Variants in DNAI2 observed in about 807,000 individuals in gnomAD.
The protein encoded by DNAI2 is dynein axonemal intermediate chain 2, also known as dynein, axonemal, intermediate polypeptide 2.
Under a neutral mutation model 74.7 loss-of-function variants are expected in DNAI2, and 63 were observed. The observed-to-expected ratio is 0.84, with a 90% CI of 0.69 to 1.04. The LOEUF is 1.04. Among genes scored for constraint, DNAI2 ranks in the 50% least tolerant of loss-of-function variants. The pLI is 0.00. For missense variants in DNAI2, 688 were observed against 803.2 expected (o/e 0.86, Z 1.73); for synonymous variants, 289 against 314.9 (o/e 0.92, Z 0.87).
chr17:74,283,048 A>AGGTTTTGTTTTGT (rs1193310681), intron 2 of DNAI2, among the ~76,000 whole-genome samples: 1 of 151,888 alleles, frequency 6.6e-6, no homozygotes, highest in African/African-American at 2.4e-5. Flanking sequence ...CCTTTTCCAG[A>AGGTTTTGTTTTGT]CTTGTTTTGT....
rs555349032 is a variant in DNAI2 at position 74,301,257 on chromosome 17, G to A, written c.987+89G>A. The A allele has an allele frequency of 2.1e-5, 33 of 1,589,824 alleles. No homozygotes were observed. The East Asian group carries it at 3.4e-4, about 16-fold the overall frequency. Reference sequence around the variant, plus strand: ...GCCATTGCTAGGATATCAGGTGCTCGTGGAACCCAGCACCAGCCCAGGGAG... The same window carrying A: ...GCCATTGCTAGGATATCAGGTGCTCATGGAACCCAGCACCAGCCCAGGGAG... On this transcript the variant is annotated intron_variant, in intron 8 of 13. Transcript: ENST00000311014.
intron 1 of DNAI2, among the ~76,000 whole-genome samples, chr17:74,279,842 G>A (rs560553351): frequency 5.8e-4 from 89 of 152,234 alleles, no homozygotes; most frequent in African/African-American, 2.1e-3. Context: ...TCTCTTGGGC[G>A]TTGAAAGGCC....
At chr17:74,281,086 CA>C (rs60399157) in intron 1 of DNAI2, among the ~76,000 whole-genome samples, 3,149 of 58,882 alleles carry the variant, frequency 0.053, 36 homozygotes, top group Middle Eastern at 0.07. Context: ...GCCTTTGTCT[CA>C]AAAAAAAAAA....
At chr17:74,314,080 C>G in intron 12 of DNAI2, 41 bp from the exon 13 acceptor site, 1 of 1,613,514 alleles carries the variant, frequency 6.2e-7, no homozygotes, top group Non-Finnish European at 8.5e-7. Context: ...AAGGCCTGTC[C>G]CCTACCAACA....
chr17:74,292,415 C>CTTTTT (rs56013644), intron 6 of DNAI2, among the ~76,000 whole-genome samples: 21 of 112,798 alleles, frequency 1.9e-4, no homozygotes, highest in East Asian at 9.0e-4. Flanking sequence ...TTTTCTTTTT[C>CTTTTT]TTTTTTTTTT....
chr17:74,287,954 CAAA>C (rs35302128), intron 4 of DNAI2, among the ~76,000 whole-genome samples: 4 of 134,514 alleles, frequency 3.0e-5, no homozygotes, highest in Non-Finnish European at 3.2e-5. Context: ...GACTCTGTCT[CAAA>C]AAAAAAAAAA....
chr17:74,276,460 C>G (rs1407304428), intron 1 of DNAI2, among the ~76,000 whole-genome samples: 1 of 152,204 alleles, frequency 6.6e-6, no homozygotes, highest in East Asian at 1.9e-4. Flanking sequence ...CACTCCTGCT[C>G]AGGCCTTGCT....
intron 12 of DNAI2, among the ~76,000 whole-genome samples, chr17:74,312,760 G>A (rs1366297687): frequency 6.6e-6 from 1 of 152,220 alleles, no homozygotes; most frequent in Non-Finnish European, 1.5e-5. Context: ...CTTCACTTCT[G>A]GCTTCCTTCA....
In DNAI2 at chr17:74,286,974, T is replaced by G. The variant is rs397515358; in HGVS notation, c.346-3T>G. ...CGGAGAACTTCCAATGTGTCCCCCC[T>G]AGATCATGGAGCACTGCATCAAGCA... is the stretch of plus-strand genomic sequence containing the variant. On this transcript the variant is annotated splice_region_variant and splice_polypyrimidine_tract_variant and intron_variant, in intron 3 of 13. Transcript: ENST00000311014. 6.2e-7 allele frequency: 1 copy of G among 1,613,728 alleles called. No individual in the cohort carries two copies. Among genetic ancestry groups the G allele is most frequent in the Non-Finnish European group, 8.5e-7 (1 of 1,179,758 alleles).
chr17:74,292,717 T>C (rs943256429), intron 6 of DNAI2, among the ~76,000 whole-genome samples: 1 of 151,786 alleles, frequency 6.6e-6, no homozygotes, highest in Non-Finnish European at 1.5e-5. Context: ...TGGCCTGATT[T>C]CAGTCTTTTA....
At chr17:74,293,653 G>A (rs1211850080) in intron 6 of DNAI2, among the ~76,000 whole-genome samples, 1 of 151,718 alleles carries the variant, frequency 6.6e-6, no homozygotes, top group South Asian at 2.1e-4. Flanking sequence ...GCAGTGAGTC[G>A]AGATCATGCC....
chr17:74,310,534 T>C (rs1313020647), intron 11 of DNAI2, among the ~76,000 whole-genome samples: 2 of 151,632 alleles, frequency 1.3e-5, no homozygotes, highest in Non-Finnish European at 2.9e-5. Context: ...AATTTAATTA[T>C]TTTTATTTAT....
chr17:74,304,948 G>T (rs1246677345), intron 8 of DNAI2, among the ~76,000 whole-genome samples: 1 of 152,180 alleles, frequency 6.6e-6, no homozygotes. Context: ...CTGCAGAGGG[G>T]GCTAGTGACC....
intron 6 of DNAI2, among the ~76,000 whole-genome samples, chr17:74,296,202 C>G (rs1263460764): frequency 6.6e-6 from 1 of 152,120 alleles, no homozygotes; most frequent in African/African-American, 2.4e-5. Context: ...AAGTTGAGCA[C>G]AGTGGCTCAC....
chr17:74,313,629 G>A (rs932745359), intron 12 of DNAI2, among the ~76,000 whole-genome samples: 1 of 152,188 alleles, frequency 6.6e-6, no homozygotes, highest in African/African-American at 2.4e-5. Context: ...GCCTTGGAAG[G>A]GGTTCAGGTT....
chr17:74,277,586 T>G (rs532132547), intron 1 of DNAI2, among the ~76,000 whole-genome samples: 2 of 152,072 alleles, frequency 1.3e-5, no homozygotes, highest in Non-Finnish European at 2.9e-5. Context: ...AGGGCCCAAG[T>G]TCCCCCTGGC....
intron 5 of DNAI2, 23 bp from the exon 6 acceptor site, chr17:74,290,997 G>T (rs765922331): frequency 2.5e-6 from 4 of 1,603,322 alleles, no homozygotes; most frequent in Non-Finnish European, 3.4e-6. Context: ...GCCTGGTGGG[G>T]ATAATTTTTT....
At chr17:74,308,623 G>A (rs2053320095) in intron 9 of DNAI2, among the ~76,000 whole-genome samples, 1 of 152,142 alleles carries the variant, frequency 6.6e-6, no homozygotes, top group Non-Finnish European at 1.5e-5. Context: ...CTGGGCTCAA[G>A]CGATCCTCCC....
intron 6 of DNAI2, among the ~76,000 whole-genome samples, chr17:74,299,135 A>G (rs1219719103): frequency 6.6e-6 from 1 of 152,238 alleles, no homozygotes; most frequent in East Asian, 1.9e-4. Flanking sequence ...GACAAAGGAC[A>G]GATAACCTTT....
Sources: allele counts gnomAD v4.1 joint callset (sites outside exome capture counted in the v4.1 genomes callset), GRCh38; gene constraint gnomAD v4.1.1; transcripts MANE v1.5; gene names NCBI Gene and HGNC (gene_info 2026-07-23, HGNC 2026-07-21).